The following SDK1 variants were observed in gnomAD, a reference collection of about 807,000 sequenced individuals.
The protein encoded by SDK1 is protein sidekick-1.
SDK1 carries 157 observed loss-of-function variants against 245.5 expected under a neutral mutation model. The observed-to-expected ratio is 0.64, with a 90% CI of 0.56 to 0.73. SDK1 has a LOEUF of 0.73. Ranked by LOEUF, SDK1 falls within the 30% of genes least tolerant of loss-of-function variation. The pLI is 0.00. For synonymous variants in SDK1, 1,647 were observed against 1,278.5 expected (o/e 1.29, Z -6.15); for missense variants, 3,583 against 3,002.3 (o/e 1.19, Z -4.52).
chr7:3,992,770 T>C (rs1784438595), intron 14 of SDK1, among the ~76,000 whole-genome samples: 1 of 152,170 alleles, frequency 6.6e-6, no homozygotes, highest in Non-Finnish European at 1.5e-5. Context: ...TCTGATTCGA[T>C]AGGGACCCGC....
intron 17 of SDK1, among the ~76,000 whole-genome samples, chr7:4,027,894 G>A (rs1787486628): frequency 6.6e-6 from 1 of 151,922 alleles, no homozygotes; most frequent in Admixed American, 6.6e-5. Context: ...GGGAACGAGA[G>A]TAGGGGCTTT....
At chr7:4,171,580 C>T (rs1392291039) in intron 32 of SDK1, among the ~76,000 whole-genome samples, 13 of 152,150 alleles carry the variant, frequency 8.5e-5, no homozygotes, top group East Asian at 1.9e-4. Context: ...GCTCCAGCCC[C>T]GTGAAGGCGG....
intron 14 of SDK1, among the ~76,000 whole-genome samples, chr7:3,996,080 T>A (rs1784676494): frequency 1.3e-5 from 2 of 152,286 alleles, no homozygotes; most frequent in Admixed American, 6.5e-5. Flanking sequence ...TTCTGGAATT[T>A]AGGTGTGTTA....
chr7:3,827,786 A>G (rs919135059), intron 5 of SDK1, among the ~76,000 whole-genome samples: 2 of 152,096 alleles, frequency 1.3e-5, no homozygotes, highest in Non-Finnish European at 2.9e-5. Context: ...GGGGACAACC[A>G]TGGCCAGGCC....
rs1228337624 is a variant in SDK1 at position 4,210,354 on chromosome 7, G to C, written c.5539+192G>C. On this transcript the variant is annotated intron_variant, in intron 38 of 44. Transcript: ENST00000404826. ...AGGGGAGCGGGGACTCGCGGGGAAA[G>C]GCCTGTGAGGAAAAGCTGAGCCAAG... is the stretch of plus-strand genomic sequence containing the variant. 3.3e-5 allele frequency among the ~76,000 whole-genome samples: 5 copies of C among 152,204 alleles called. No individual in the cohort carries two copies. The South Asian group carries it at 1.0e-3, about 31-fold the overall frequency.
intron 1 of SDK1, among the ~76,000 whole-genome samples, chr7:3,516,510 A>C (rs920752939): frequency 6.6e-6 from 1 of 152,176 alleles, no homozygotes; most frequent in Non-Finnish European, 1.5e-5. Context: ...GTATTTTAAA[A>C]AATTATTATG....
chr7:3,674,881 C>G (rs1318781111), intron 4 of SDK1, among the ~76,000 whole-genome samples: 2 of 152,116 alleles, frequency 1.3e-5, no homozygotes, highest in South Asian at 2.1e-4. Context: ...TAGACTCAAG[C>G]CAATCATTAG....
At chr7:3,578,287 G>A (rs1358017644) in intron 1 of SDK1, among the ~76,000 whole-genome samples, 1 of 151,960 alleles carries the variant, frequency 6.6e-6, no homozygotes, top group East Asian at 1.9e-4. Flanking sequence ...TAAGGATTAA[G>A]GGGAGGGGGT....
At chr7:3,899,412 C>A (rs1046657711) in intron 5 of SDK1, among the ~76,000 whole-genome samples, 3 of 152,230 alleles carry the variant, frequency 2.0e-5, no homozygotes, top group Non-Finnish European at 2.9e-5. Flanking sequence ...ATGTCTACCA[C>A]GTGAGATGCA....
intron 2 of SDK1, among the ~76,000 whole-genome samples, chr7:3,620,685 T>A (rs1781909732): frequency 6.6e-6 from 1 of 152,166 alleles, no homozygotes; most frequent in African/African-American, 2.4e-5. Context: ...TCAGAAGGCC[T>A]GGCTGCCTGG....
chr7:4,126,032 A>AC (rs1784373399), intron 25 of SDK1, among the ~76,000 whole-genome samples: 2 of 152,058 alleles, frequency 1.3e-5, no homozygotes, highest in Admixed American at 1.3e-4. Flanking sequence ...TCCTCCCAGA[A>AC]CCTCCGTTGC....
chr7:3,372,055 C>A (rs973063482), intron 1 of SDK1, among the ~76,000 whole-genome samples: 2 of 152,194 alleles, frequency 1.3e-5, no homozygotes, highest in African/African-American at 4.8e-5. Context: ...TGTTAACATA[C>A]AGTTTACAGG....
intron 1 of SDK1, among the ~76,000 whole-genome samples, chr7:3,497,226 T>C (rs904468961): frequency 1.3e-5 from 2 of 152,228 alleles, no homozygotes; most frequent in African/African-American, 4.8e-5. Flanking sequence ...GGTTACTCTT[T>C]TATTTTTTAA....
At chr7:4,065,461 A>C (rs1779814035) in intron 19 of SDK1, among the ~76,000 whole-genome samples, 1 of 130,922 alleles carries the variant, frequency 7.6e-6, no homozygotes, top group Non-Finnish European at 1.6e-5. Context: ...CAGAAACATA[A>C]TATAAAAGGA....
chr7:3,304,465 G>A (rs1173616125), intron 1 of SDK1, among the ~76,000 whole-genome samples: 2 of 152,158 alleles, frequency 1.3e-5, no homozygotes, highest in African/African-American at 4.8e-5. Flanking sequence ...ACTGATTCTG[G>A]CAGTGTTCAG....
At chr7:3,674,357 G>A (rs2128663979) in intron 4 of SDK1, among the ~76,000 whole-genome samples, 1 of 152,244 alleles carries the variant, frequency 6.6e-6, no homozygotes, top group Admixed American at 6.5e-5. Context: ...TCCAAAGCAG[G>A]GTGGGAGAGA....
chr7:3,313,657 G>A (rs192271875), intron 1 of SDK1, among the ~76,000 whole-genome samples: 41 of 152,326 alleles, frequency 2.7e-4, no homozygotes, highest in Non-Finnish European at 5.1e-4. Flanking sequence ...ATTAGCGAGA[G>A]TGTAAGCAGT....
chr7:3,438,999 C>T (rs1274824825), intron 1 of SDK1, among the ~76,000 whole-genome samples: 3 of 151,786 alleles, frequency 2.0e-5, no homozygotes, highest in Non-Finnish European at 4.4e-5. Flanking sequence ...ATTACTGTTG[C>T]CTGCTACCAC....
rs968337205 is a variant in SDK1 at position 4,009,215 on chromosome 7, G to A, written c.2132-1751G>A. 6.6e-5 allele frequency among the ~76,000 whole-genome samples: 10 copies of A among 152,162 alleles called. No homozygotes were observed. In the South Asian group the frequency reaches 2.1e-3, roughly 32 times the overall value. On this transcript the variant is annotated intron_variant, in intron 14 of 44. Transcript: ENST00000404826. ...GTGGGAGAGCTCGTAGTCAGCTGTG[G>A]TCTCCATGCTTCTTTCTTCTACATA...
Sources: gnomAD v4.1 joint callset for allele counts (sites outside exome capture counted in the v4.1 genomes callset) on GRCh38, gnomAD v4.1.1 for gene constraint, MANE v1.5 for transcripts, NCBI Gene and HGNC (gene_info 2026-07-23, HGNC 2026-07-21) for gene names.